The following TPPP variants were observed in gnomAD, a reference collection of about 807,000 sequenced individuals.
The protein encoded by TPPP is tubulin polymerization promoting protein.
A neutral mutation model predicts 15.5 loss-of-function variants in TPPP; 6 were observed. The ratio of observed to expected loss-of-function variants is 0.39; its 90% CI spans 0.21 to 0.77. TPPP has a LOEUF of 0.77. TPPP is among the 30% of genes least tolerant of loss of function. The probability of loss-of-function intolerance (pLI) is 0.42; values close to 1 mark genes in which losing one functional copy is unlikely to be tolerated. For missense variants in TPPP, 269 were observed against 307.2 expected, an observed-to-expected ratio of 0.88 and a Z score of 0.93; for synonymous variants, 146 against 133.9, an observed-to-expected ratio of 1.09 and a Z score of -0.63.
chr5:680,560 C>T lies in TPPP; in HGVS notation c.-4-2496G>A, dbSNP rs1311457410. On this transcript the variant is annotated intron_variant, in intron 1 of 3. Transcript: ENST00000360578. ...CGTCACACGGGAGTGAGTCCACGGGCGCTTGGGAGGGCTGAGAACCAGGCC... is the reference window on the plus strand; with the variant it reads ...CGTCACACGGGAGTGAGTCCACGGGTGCTTGGGAGGGCTGAGAACCAGGCC... Among the ~76,000 whole-genome samples the T allele has an allele frequency of 4.1e-5, 6 of 147,960 alleles. No individual in the cohort carries two copies. The East Asian group carries it at 6.0e-4, about 15-fold the overall frequency.
chr5:682,868 G>C (rs1369820855), intron 1 of TPPP, among the ~76,000 whole-genome samples: 1 of 152,226 alleles, frequency 6.6e-6, no homozygotes, highest in Non-Finnish European at 1.5e-5. Flanking sequence ...ATCATCAGCA[G>C]TGCTGGGTCA....
At chr5:681,596 C>A (rs1186824752) in intron 1 of TPPP, among the ~76,000 whole-genome samples, 1 of 152,202 alleles carries the variant, frequency 6.6e-6, no homozygotes, top group African/African-American at 2.4e-5. Context: ...CAGCACATGC[C>A]CCTTCCCTGG....
intron 2 of TPPP, among the ~76,000 whole-genome samples, chr5:675,290 G>A (rs1303678778): frequency 8.3e-6 from 1 of 120,054 alleles, no homozygotes; most frequent in Admixed American, 8.0e-5. Flanking sequence ...GTTCAGTGTG[G>A]CCAGGGGTGC....
chr5:680,707 C>G (rs1248278669), intron 1 of TPPP, among the ~76,000 whole-genome samples: 1 of 151,788 alleles, frequency 6.6e-6, no homozygotes, highest in African/African-American at 2.4e-5. Context: ...AAGCCCGCCT[C>G]TGCGTGGGGT....
chr5:669,139 C>A (rs1364262113), intron 2 of TPPP, among the ~76,000 whole-genome samples: 3 of 152,222 alleles, frequency 2.0e-5, no homozygotes, highest in Admixed American at 2.0e-4. Context: ...GGAGGCCTCG[C>A]TGTGTCCGGA....
intron 2 of TPPP, among the ~76,000 whole-genome samples, chr5:669,321 G>A (rs914599669): frequency 6.6e-6 from 1 of 152,204 alleles, no homozygotes; most frequent in African/African-American, 2.4e-5. Flanking sequence ...TGTGGCGTGG[G>A]GGTCCGCGGT....
the TPPP span, among the ~76,000 whole-genome samples, chr5:700,336 C>T: frequency 6.6e-6 from 1 of 151,914 alleles, no homozygotes; most frequent in Admixed American, 6.6e-5. Flanking sequence ...AACTCAGAAA[C>T]AAAAAGTCAA....
chr5:677,163 C>T (rs550425343), intron 2 of TPPP, among the ~76,000 whole-genome samples: 3 of 152,242 alleles, frequency 2.0e-5, no homozygotes, highest in Middle Eastern at 3.2e-3. Context: ...GCCATTTTGC[C>T]GCCCGTGGGA....
Position 688,369 on chromosome 5 carries a change from G to A in TPPP, c.-5+4909C>T, listed in dbSNP as rs377391015. On this transcript the variant is annotated intron_variant, in intron 1 of 3. Coordinates refer to ENST00000360578, the MANE Select transcript of TPPP (RefSeq NM_007030.3). ...TGAGCACGAGCACCTGGGGCTCCTC[G>A]ACGCAGTGTGGACGGACCACTCGCG... 2.7e-4 allele frequency among the ~76,000 whole-genome samples: 39 copies of A among 145,266 alleles called. No individual in the cohort carries two copies. The East Asian group carries it at 4.5e-3, about 17-fold the overall frequency.
intron 2 of TPPP, among the ~76,000 whole-genome samples, chr5:668,267 G>A (rs564222822): frequency 2.7e-4 from 7 of 25,748 alleles, no homozygotes; most frequent in African/African-American, 2.7e-3. Flanking sequence ...ACAAGCACAC[G>A]GAGAGGGGTC....
At chr5:670,574 C>T (rs1358622176) in intron 2 of TPPP, among the ~76,000 whole-genome samples, 1 of 152,064 alleles carries the variant, frequency 6.6e-6, no homozygotes, top group Non-Finnish European at 1.5e-5. Flanking sequence ...GGAGGGGGAG[C>T]TTCTGGGGAG....
intron 1 of TPPP, among the ~76,000 whole-genome samples, chr5:681,550 C>T (rs777132033): frequency 4.6e-5 from 7 of 152,196 alleles, no homozygotes; most frequent in Admixed American, 1.3e-4. Flanking sequence ...GTAGGAGGGA[C>T]GTGCCAAGCC....
chr5:686,675 G>A (rs1380389878), intron 1 of TPPP, among the ~76,000 whole-genome samples: 804 of 145,730 alleles, frequency 5.5e-3, no homozygotes, highest in African/African-American at 0.019. Flanking sequence ...CCACAGCTGA[G>A]CCCTAAATCC....
intron 1 of TPPP, among the ~76,000 whole-genome samples, chr5:681,790 AC>A (rs1740632812): frequency 6.6e-6 from 1 of 151,962 alleles, no homozygotes. Context: ...CTTGGAAAGG[AC>A]AGAAGATGAG....
intron 2 of TPPP, among the ~76,000 whole-genome samples, chr5:673,163 T>A (rs1194650664): frequency 6.6e-6 from 1 of 151,952 alleles, no homozygotes. Context: ...CAAAAGCAAC[T>A]CCCACAGGCC....
the TPPP span, among the ~76,000 whole-genome samples, chr5:700,532 A>G: frequency 2.6e-5 from 4 of 151,986 alleles, no homozygotes. Flanking sequence ...CCCAGATGTC[A>G]CCACTATGCA....
chr5:679,542 T>C (rs534445293), intron 1 of TPPP, among the ~76,000 whole-genome samples: 11 of 152,098 alleles, frequency 7.2e-5, no homozygotes, highest in African/African-American at 2.4e-4. Flanking sequence ...CTCACAGGCC[T>C]GGTCTGTGTT....
chr5:685,121 G>A (rs2126910818), intron 1 of TPPP, among the ~76,000 whole-genome samples: 1 of 152,280 alleles, frequency 6.6e-6, no homozygotes, highest in South Asian at 2.1e-4. Context: ...ACTGTCCTGA[G>A]GGGTCACTGG....
At chr5:666,460 G>C (rs930063592) in intron 2 of TPPP, among the ~76,000 whole-genome samples, 2 of 152,208 alleles carry the variant, frequency 1.3e-5, no homozygotes, top group African/African-American at 4.8e-5. Flanking sequence ...CAGCTGCGCC[G>C]GGAGCTGGGG....
Sources: allele counts gnomAD v4.1 joint callset (sites outside exome capture counted in the v4.1 genomes callset), GRCh38; gene constraint gnomAD v4.1.1; transcripts MANE v1.5; gene names NCBI Gene and HGNC (gene_info 2026-07-23, HGNC 2026-07-21).